The following PALLD variants were observed in gnomAD, a reference collection of about 807,000 sequenced individuals.
PALLD encodes palladin, cytoskeletal associated protein, also known as palladin.
Under a neutral mutation model 123.5 loss-of-function variants are expected in PALLD, and 61 were observed. The observed-to-expected ratio is 0.49, with a 90% confidence interval of 0.40 to 0.61. The LOEUF is 0.61. PALLD is among the 20% of genes least tolerant of loss of function. PALLD has a pLI of 0.00. For synonymous variants in PALLD, 465 were observed against 496.4 expected (o/e 0.94, Z 0.84); for missense variants, 1,273 against 1,377.0 (o/e 0.92, Z 1.20).
chr4:168,793,388 A>G lies in PALLD; in HGVS notation c.1964+81465A>G, dbSNP rs1167956348. 5.3e-5 allele frequency among the ~76,000 whole-genome samples: 8 copies of G among 150,526 alleles called. 1 individual carries two copies. The East Asian group carries it at 1.6e-3, about 29-fold the overall frequency. Reference sequence around the variant, plus strand: ...GTGCATATATATCACATATATATACACACACATACATATCACAGTAAAAAT... The same window carrying G: ...GTGCATATATATCACATATATATACGCACACATACATATCACAGTAAAAAT... On this transcript the variant is annotated intron_variant, in intron 10 of 21. Transcript: ENST00000505667.
intron 1 of PALLD, among the ~76,000 whole-genome samples, chr4:168,504,381 G>A (rs989708937): frequency 6.6e-6 from 1 of 152,186 alleles, no homozygotes. Flanking sequence ...AGATCACAAG[G>A]TCAGGAGTTC....
chr4:168,761,881 A>C (rs1732987301), intron 10 of PALLD, among the ~76,000 whole-genome samples: 1 of 152,006 alleles, frequency 6.6e-6, no homozygotes. Context: ...GCACAGGATT[A>C]GAATTTCAGT....
chr4:168,538,396 ATT>A (rs1765288349), intron 2 of PALLD, among the ~76,000 whole-genome samples: 2 of 152,048 alleles, frequency 1.3e-5, no homozygotes, highest in Non-Finnish European at 2.9e-5. Flanking sequence ...GCTTAATATA[ATT>A]CCTACAGTCA....
At chr4:168,734,501 C>T (rs1365246253) in intron 10 of PALLD, among the ~76,000 whole-genome samples, 1 of 152,034 alleles carries the variant, frequency 6.6e-6, no homozygotes, top group African/African-American at 2.4e-5. Context: ...ACGTAGTTGC[C>T]AATTTTCTTT....
intron 2 of PALLD, among the ~76,000 whole-genome samples, chr4:168,581,814 T>A (rs1246494710): frequency 6.6e-6 from 1 of 152,098 alleles, no homozygotes; most frequent in Non-Finnish European, 1.5e-5. Context: ...GTTTTTTAGG[T>A]CATATCAAAA....
chr4:168,839,360 T>C (rs1293726888), intron 10 of PALLD, among the ~76,000 whole-genome samples: 1 of 152,194 alleles, frequency 6.6e-6, no homozygotes, highest in African/African-American at 2.4e-5. Context: ...AGAAGCCTTC[T>C]ATGTCTGTTT....
At chr4:168,578,204 C>T (rs1453628012) in intron 2 of PALLD, among the ~76,000 whole-genome samples, 1 of 151,378 alleles carries the variant, frequency 6.6e-6, no homozygotes, top group Non-Finnish European at 1.5e-5. Context: ...ATTTAAAAAA[C>T]ATCTAATTGT....
At chr4:168,566,877 G>A (rs1379992047) in intron 2 of PALLD, among the ~76,000 whole-genome samples, 1 of 152,154 alleles carries the variant, frequency 6.6e-6, no homozygotes, top group African/African-American at 2.4e-5. Context: ...TCTGGATAGT[G>A]TGGATTGGTC....
intron 1 of PALLD, among the ~76,000 whole-genome samples, chr4:168,499,337 G>A (rs1350340591): frequency 9.3e-6 from 1 of 107,026 alleles, no homozygotes; most frequent in Non-Finnish European, 1.9e-5. Context: ...GAAGGGGGAA[G>A]GGAGGCAGAA....
Position 168,910,220 on chromosome 4 carries a change from CTTT to C in PALLD, c.2623-3688_2623-3686del, listed in dbSNP as rs70961563. Among the ~76,000 whole-genome samples the C allele has an allele frequency of 4.7e-3, 533 of 113,952 alleles. 1 individual carries two copies. The highest frequency in any genetic ancestry group is 0.019 in the East Asian group (70 of 3,720). The allele number at this position is 113,952 out of a possible 152,430, so 74.8% of individuals were successfully genotyped here. On this transcript the variant is annotated intron_variant, in intron 15 of 21. Transcript: ENST00000505667. ...CCAGAGTAGTATGCCAACCTGTTTA[CTTT>C]TTTTTTTTTTTTTTTTTTGAGAGGG...
chr4:168,739,604 C>T (rs565991566), intron 10 of PALLD, among the ~76,000 whole-genome samples: 17 of 152,276 alleles, frequency 1.1e-4, no homozygotes, highest in African/African-American at 4.1e-4. Flanking sequence ...AATACTTGAG[C>T]TGATGAATAC....
intron 2 of PALLD, among the ~76,000 whole-genome samples, chr4:168,576,318 T>A (rs957082237): frequency 2.6e-5 from 4 of 152,066 alleles, no homozygotes; most frequent in African/African-American, 9.7e-5. Context: ...ATGTGCCATG[T>A]TGGTGTGCTG....
intron 10 of PALLD, among the ~76,000 whole-genome samples, chr4:168,870,378 G>A (rs1750917766): frequency 6.6e-6 from 1 of 152,166 alleles, no homozygotes; most frequent in Non-Finnish European, 1.5e-5. Context: ...CTAGTTAGTT[G>A]ACAGAATATT....
chr4:168,543,971 T>C (rs111860636), intron 2 of PALLD, among the ~76,000 whole-genome samples: 2 of 152,262 alleles, frequency 1.3e-5, no homozygotes, highest in African/African-American at 4.8e-5. Flanking sequence ...TATGCATATA[T>C]AGAGAATATT....
chr4:168,663,127 G>A (rs977891498), intron 2 of PALLD, among the ~76,000 whole-genome samples: 2 of 152,154 alleles, frequency 1.3e-5, no homozygotes, highest in African/African-American at 4.8e-5. Context: ...AAGCTCAATG[G>A]CAATGTGCCC....
intron 10 of PALLD, among the ~76,000 whole-genome samples, chr4:168,726,410 A>C (rs569835197): frequency 6.6e-6 from 1 of 152,154 alleles, no homozygotes; most frequent in Admixed American, 6.5e-5. Context: ...TGAAGTGTTC[A>C]CTTTATTTTT....
At chr4:168,888,320 C>CT (rs1413320116) in intron 10 of PALLD, among the ~76,000 whole-genome samples, 1 of 152,168 alleles carries the variant, frequency 6.6e-6, no homozygotes, top group Non-Finnish European at 1.5e-5. Flanking sequence ...ATATTTTCCA[C>CT]TGTAGGTATC....
At chr4:168,689,645 G>A (rs1332005299) in intron 6 of PALLD, among the ~76,000 whole-genome samples, 3 of 151,126 alleles carry the variant, frequency 2.0e-5, no homozygotes, top group African/African-American at 4.9e-5. Context: ...ACAGGATTTC[G>A]CCATGTTGGT....
intron 2 of PALLD, among the ~76,000 whole-genome samples, chr4:168,646,743 A>T (rs1258175368): frequency 1.7e-4 from 26 of 152,204 alleles, no homozygotes; most frequent in Admixed American, 1.7e-3. Context: ...CTTTGCTACA[A>T]AATAGAGAAT....
Sources: allele counts gnomAD v4.1 joint callset (sites outside exome capture counted in the v4.1 genomes callset), GRCh38; gene constraint gnomAD v4.1.1; transcripts MANE v1.5; gene names NCBI Gene and HGNC (gene_info 2026-07-23, HGNC 2026-07-21).